Variants in RNFT2 observed in about 807,000 individuals in gnomAD.
RNFT2 encodes E3 ubiquitin-protein ligase RNFT2.
RNFT2 carries 36 observed loss-of-function variants against 53.0 expected under a neutral mutation model. The ratio of observed to expected loss-of-function variants is 0.68; its 90% CI spans 0.52 to 0.90. The LOEUF is 0.90. Among genes scored for constraint, RNFT2 ranks in the 40% least tolerant of loss-of-function variants. The pLI, the probability that RNFT2 is intolerant of heterozygous loss-of-function variation, is 0.00. For synonymous variants in RNFT2, 260 were observed against 253.2 expected, an observed-to-expected ratio of 1.03 and a Z score of -0.26; for missense variants, 514 against 585.6, an observed-to-expected ratio of 0.88 and a Z score of 1.26.
intron 10 of RNFT2, among the ~76,000 whole-genome samples, chr12:116,846,572 G>A (rs1265118808): frequency 6.6e-6 from 1 of 151,800 alleles, no homozygotes; most frequent in African/African-American, 2.4e-5. Context: ...TTATAGGCAT[G>A]AGCCACTGTG....
At chr12:116,806,798 T>C (rs552858180) in intron 7 of RNFT2, among the ~76,000 whole-genome samples, 1 of 152,066 alleles carries the variant, frequency 6.6e-6, no homozygotes, top group South Asian at 2.1e-4. Context: ...TTGATTTTTC[T>C]CCTTTCATCT....
In RNFT2 at chr12:116,841,768, TATATATATATAA is replaced by T. The variant is rs1555210400; in HGVS notation, c.1200+5498_1200+5509del. The stretch of plus-strand genomic sequence containing the variant: ...GTCTCAAAAAATATATAAATATAAA[TATATATATATAA>T]ATATATATATATAAATATATATATA... On this transcript the variant is annotated intron_variant, in intron 10 of 10. Transcript: ENST00000257575. Among the ~76,000 whole-genome samples the T allele has an allele frequency of 1.4e-3, 134 of 96,712 alleles. 5 individuals are homozygous for T. Among genetic ancestry groups the T allele is most frequent in the African/African-American group, 5.1e-3 (126 of 24,542 alleles). The allele number at this position is 96,712 out of a possible 152,430, so 63.4% of individuals were successfully genotyped here.
At chr12:116,798,031 G>C (rs73405130) in intron 7 of RNFT2, among the ~76,000 whole-genome samples, 9,575 of 152,068 alleles carry the variant, frequency 0.063, 1,029 homozygotes, top group African/African-American at 0.22. Context: ...CCCCATATCT[G>C]AGCCCCATCT....
chr12:116,750,212 C>A lies in RNFT2; in HGVS notation c.455C>A (p.Ala152Asp). Residue 152 changes from alanine (A) to aspartate (D), a missense_variant, in exon 4 of 11, where the codon GCC becomes GAC. By Grantham distance (126) the Ala-to-Asp change is moderately radical. Coordinates refer to ENST00000257575, the MANE Select transcript of RNFT2 (RefSeq NM_001382266.1). ...GDEQPGTPAP[A>D]LSELKAVICW... ...GAGCAGCCTGGGACGCCCGCCCCCG[C>A]CCTGTCCGAGCTGAAGGCTGTGATC... 8 of 1,605,650 alleles carry A rather than the reference C, an allele frequency of 5.0e-6. No individual in the cohort carries two copies. The highest frequency in any genetic ancestry group is 6.8e-6 in the Non-Finnish European group (8 of 1,178,758).
chr12:116,841,790 T>TAA (rs1877273282), intron 10 of RNFT2, among the ~76,000 whole-genome samples: 1 of 91,970 alleles, frequency 1.1e-5, no homozygotes, highest in African/African-American at 5.3e-5. Context: ...AATATATATA[T>TAA]ATAAATATAT....
At chr12:116,774,934 AAG>A (rs113761307) in intron 6 of RNFT2, among the ~76,000 whole-genome samples, 441 of 146,484 alleles carry the variant, frequency 3.0e-3, no homozygotes, top group Middle Eastern at 3.6e-3. Context: ...GGTGCACAGA[AAG>A]AGAGAGAGAG....
chr12:116,787,146 AAG>A (rs1261375057), intron 7 of RNFT2, among the ~76,000 whole-genome samples: 3 of 152,190 alleles, frequency 2.0e-5, no homozygotes, highest in Admixed American at 2.0e-4. Flanking sequence ...CTGAGGCTGA[AAG>A]AGAGGTGAGA....
At chr12:116,753,838 C>G in intron 4 of RNFT2, 146 bp from the exon 5 acceptor site, 1 of 620,796 alleles carries the variant, frequency 1.6e-6, no homozygotes, top group Admixed American at 3.0e-5. Flanking sequence ...CCCAAATCCC[C>G]AAGAAGTGGG....
At chr12:116,823,364 C>G (rs1441332674) in intron 7 of RNFT2, among the ~76,000 whole-genome samples, 1 of 152,132 alleles carries the variant, frequency 6.6e-6, no homozygotes, top group African/African-American at 2.4e-5. Context: ...ACACTTTAAC[C>G]CTGTTTTCAT....
rs1380994796 is a variant in RNFT2, at chr12:116,833,934, T to C, written c.1025T>C (p.Leu342Pro). ...GGGGTCCTGATCGTTCTCTACAGCCTCTGCAAGGTGAGGTGGCCCCAAGGC... is the reference window on the plus strand; with the variant it reads ...GGGGTCCTGATCGTTCTCTACAGCCCCTGCAAGGTGAGGTGGCCCCAAGGC... ...LGGVLIVLYSLCKSFDICGRV... is the reference protein window; with the variant it reads ...LGGVLIVLYSPCKSFDICGRV... The change falls in exon 8 of 11, where the codon CTC (leucine) becomes CCC (proline). Residue 342 changes from leucine to proline, a missense_variant. This residue lies in a region of RNFT2 where 273 missense variants were observed against 334.4 expected (regional missense o/e 0.82). Transcript: ENST00000257575. 1 of 1,602,688 alleles carries C rather than the reference T, an allele frequency of 6.2e-7. No homozygotes were observed. The highest frequency in any genetic ancestry group is 8.5e-7 in the Non-Finnish European group (1 of 1,175,436).
At chr12:116,792,395 C>T (rs1874285488) in intron 7 of RNFT2, among the ~76,000 whole-genome samples, 1 of 152,020 alleles carries the variant, frequency 6.6e-6, no homozygotes, top group Non-Finnish European at 1.5e-5. Context: ...CCTCCTAAAC[C>T]ATTCACATAA....
intron 7 of RNFT2, among the ~76,000 whole-genome samples, chr12:116,781,113 C>T (rs1203636118): frequency 6.6e-6 from 1 of 152,210 alleles, no homozygotes; most frequent in Non-Finnish European, 1.5e-5. Flanking sequence ...GTTGTCTAAT[C>T]TTCATGACTG....
chr12:116,793,337 C>A (rs1429214011), intron 7 of RNFT2, among the ~76,000 whole-genome samples: 1 of 151,368 alleles, frequency 6.6e-6, no homozygotes, highest in Non-Finnish European at 1.5e-5. Context: ...GTCCCACATG[C>A]CACCATGCCC....
intron 7 of RNFT2, among the ~76,000 whole-genome samples, chr12:116,820,238 G>T (rs1036838667): frequency 2.6e-5 from 4 of 152,178 alleles, no homozygotes; most frequent in African/African-American, 9.7e-5. Context: ...CTACAGGCGT[G>T]CGCCATCATG....
intron 7 of RNFT2, among the ~76,000 whole-genome samples, chr12:116,832,139 AAAAAAAAAAAT>A (rs1201445558): frequency 1.3e-5 from 1 of 76,260 alleles, no homozygotes; most frequent in African/African-American, 4.2e-5. Context: ...TCAAAAAAAA[AAAAAAAAAAAT>A]ATATATATAT....
At chr12:116,789,658 GA>G in intron 7 of RNFT2, among the ~76,000 whole-genome samples, 1 of 148,018 alleles carries the variant, frequency 6.8e-6, no homozygotes, top group African/African-American at 2.5e-5. Flanking sequence ...TGGATGGATG[GA>G]TGGATGGATA....
chr12:116,805,209 G>A (rs978558257), intron 7 of RNFT2, among the ~76,000 whole-genome samples: 4 of 151,328 alleles, frequency 2.6e-5, no homozygotes, highest in Admixed American at 6.6e-5. Flanking sequence ...TGCTTGGTGG[G>A]TTTACTTCTT....
chr12:116,835,891 G>A, intron 8 of RNFT2, 69 bp from the exon 9 acceptor site: 1 of 1,534,812 alleles, frequency 6.5e-7, no homozygotes, highest in East Asian at 2.3e-5. Flanking sequence ...AGGATGGGGT[G>A]GGGTGATTGT....
intron 5 of RNFT2, among the ~76,000 whole-genome samples, chr12:116,759,145 C>G (rs1872603125): frequency 6.6e-6 from 1 of 152,242 alleles, no homozygotes; most frequent in Admixed American, 6.5e-5. Flanking sequence ...TTGTTCAATT[C>G]TATTGCCGAG....
Sources: allele counts gnomAD v4.1 joint callset (sites outside exome capture counted in the v4.1 genomes callset), GRCh38; gene constraint gnomAD v4.1.1; regional missense constraint gnomAD v4.1.1; transcripts MANE v1.5; gene names NCBI Gene and HGNC (gene_info 2026-07-23, HGNC 2026-07-21).